Variants in ADCY2 observed in about 807,000 individuals in gnomAD.
ADCY2 encodes the protein adenylate cyclase type 2.
ADCY2 carries 31 observed loss-of-function variants against 125.2 expected under a neutral mutation model. That is an observed-to-expected ratio of 0.25 (90% CI 0.19 to 0.33). ADCY2 has a LOEUF of 0.33. Among genes scored for constraint, ADCY2 ranks in the 10% least tolerant of loss-of-function variants. The pLI is 1.00. For synonymous variants in ADCY2, 512 were observed against 548.4 expected (o/e 0.93, Z 0.93); for missense variants, 904 against 1,418.2 (o/e 0.64, Z 5.82).
intron 2 of ADCY2, among the ~76,000 whole-genome samples, chr5:7,444,610 A>G (rs887370553): frequency 1.6e-4 from 25 of 152,172 alleles, no homozygotes; most frequent in African/African-American, 6.0e-4. Flanking sequence ...GCTACAATGA[A>G]TAATTTTTTC....
rs1383466665 is a variant in ADCY2 at position 7,673,220 on chromosome 5, T to C, written c.721-17471T>C. Reference sequence around the variant, plus strand: ...GACTACAAGACCAGCCTGGGCAACATGGTGAAACCTTGTCTCTCCAAAAAA... The same window carrying C: ...GACTACAAGACCAGCCTGGGCAACACGGTGAAACCTTGTCTCTCCAAAAAA... On this transcript the variant is annotated intron_variant, in intron 4 of 24. Coordinates refer to ENST00000338316, the MANE Select transcript of ADCY2 (RefSeq NM_020546.3). 4.2e-5 allele frequency among the ~76,000 whole-genome samples: 4 copies of C among 95,382 alleles called. No individual in the cohort carries two copies. The East Asian group carries it at 7.9e-4, about 19-fold the overall frequency. 62.6% of individuals were successfully genotyped at this position (95,382 alleles called of 152,430 possible). A position where few individuals can be genotyped will look rare whatever the true frequency, so the allele number is the denominator to read the frequency against.
chr5:7,515,500 T>C (rs1439516461), intron 2 of ADCY2, among the ~76,000 whole-genome samples: 1 of 152,202 alleles, frequency 6.6e-6, no homozygotes, highest in African/African-American at 2.4e-5. Context: ...GTATCTGCTG[T>C]TGCCTGCCAT....
intron 4 of ADCY2, among the ~76,000 whole-genome samples, chr5:7,649,933 C>T (rs575002732): frequency 3.3e-5 from 5 of 152,144 alleles, no homozygotes; most frequent in East Asian, 1.9e-4. Context: ...TCTCACTCCT[C>T]GTATCCAAGC....
At chr5:7,660,028 G>C (rs1364682310) in intron 4 of ADCY2, among the ~76,000 whole-genome samples, 1 of 152,142 alleles carries the variant, frequency 6.6e-6, no homozygotes, top group Admixed American at 6.6e-5. Context: ...ACCAGGGATT[G>C]CTTGAGAGGA....
chr5:7,501,131 T>TTA (rs1427977527), intron 2 of ADCY2, among the ~76,000 whole-genome samples: 15 of 143,958 alleles, frequency 1.0e-4, no homozygotes, highest in Non-Finnish European at 7.6e-5. Flanking sequence ...AGCTTTTTTT[T>TTA]AAAAAAAAAA....
chr5:7,484,563 C>A (rs1015047558), intron 2 of ADCY2, among the ~76,000 whole-genome samples: 5 of 152,148 alleles, frequency 3.3e-5, no homozygotes, highest in African/African-American at 9.7e-5. Context: ...ATTCTCATTC[C>A]CAGATGATGA....
chr5:7,695,260 A>G (rs571398801), intron 5 of ADCY2, among the ~76,000 whole-genome samples: 2 of 152,236 alleles, frequency 1.3e-5, no homozygotes, highest in South Asian at 2.1e-4. Context: ...TCACTGTCCA[A>G]TCTGCCCCTA....
intron 2 of ADCY2, among the ~76,000 whole-genome samples, chr5:7,434,104 A>G (rs1157821725): frequency 6.6e-6 from 1 of 152,228 alleles, no homozygotes; most frequent in Non-Finnish European, 1.5e-5. Flanking sequence ...CATTTTAAGT[A>G]AAGAAAGAAT....
Position 7,785,351 on chromosome 5 carries a change from T to C in ADCY2, c.2469+902T>C, listed in dbSNP as rs536232675. 2.2e-3 allele frequency among the ~76,000 whole-genome samples: 337 copies of C among 152,228 alleles called. 2 individuals are homozygous for C. Among genetic ancestry groups the C allele is most frequent in the African/African-American group, 7.5e-3 (312 of 41,554 alleles). On this transcript the variant is annotated intron_variant, in intron 19 of 24. Coordinates refer to ENST00000338316, the MANE Select transcript of ADCY2 (RefSeq NM_020546.3). ...TCAGGCCAGCAGTCCGGGACAACTG[T>C]CCTCTAGCTTCCCAAGCAGTGTGAG...
At chr5:7,529,974 G>A (rs1215154857) in intron 3 of ADCY2, among the ~76,000 whole-genome samples, 1 of 152,218 alleles carries the variant, frequency 6.6e-6, no homozygotes, top group African/African-American at 2.4e-5. Context: ...TACAGGAACT[G>A]ATCCTGAGGG....
chr5:7,539,111 C>G (rs1734913097), intron 3 of ADCY2, among the ~76,000 whole-genome samples: 1 of 152,150 alleles, frequency 6.6e-6, no homozygotes, highest in East Asian at 1.9e-4. Context: ...GACCCACCTG[C>G]CTCGGTCTCC....
intron 16 of ADCY2, among the ~76,000 whole-genome samples, chr5:7,761,149 T>TTTTTC: frequency 2.5e-4 from 1 of 3,982 alleles, no homozygotes; most frequent in African/African-American, 3.4e-4. Context: ...TTTTCTTTTC[T>TTTTTC]TTTTTTTTTT....
intron 15 of ADCY2, among the ~76,000 whole-genome samples, chr5:7,756,679 A>G (rs1160931703): frequency 6.6e-6 from 1 of 152,048 alleles, no homozygotes; most frequent in East Asian, 1.9e-4. Context: ...GGCTGGGAGG[A>G]GGGAGGAACG....
intron 22 of ADCY2, among the ~76,000 whole-genome samples, chr5:7,812,104 A>T (rs151338292): frequency 5.1e-4 from 78 of 152,298 alleles, no homozygotes; most frequent in African/African-American, 1.9e-3. Context: ...TAGGAGTCAT[A>T]CAGAGACCGT....
chr5:7,639,367 C>T (rs1001745793), intron 4 of ADCY2, among the ~76,000 whole-genome samples: 1 of 152,152 alleles, frequency 6.6e-6, no homozygotes, highest in African/African-American at 2.4e-5. Flanking sequence ...TCAAAATGAC[C>T]AAGAGTCCAC....
intron 3 of ADCY2, among the ~76,000 whole-genome samples, chr5:7,573,620 A>C (rs967355183): frequency 1.3e-5 from 1 of 75,348 alleles, no homozygotes; most frequent in African/African-American, 5.5e-5. Context: ...TTTTTTTTTG[A>C]GAAAAAAAGC....
intron 3 of ADCY2, among the ~76,000 whole-genome samples, chr5:7,619,830 C>A (rs1404796424): frequency 6.6e-6 from 1 of 152,156 alleles, no homozygotes; most frequent in Non-Finnish European, 1.5e-5. Flanking sequence ...ATTCCCTTTT[C>A]TCTGGTTCTA....
intron 15 of ADCY2, among the ~76,000 whole-genome samples, chr5:7,745,834 T>A (rs1000187994): frequency 6.6e-6 from 1 of 152,244 alleles, no homozygotes. Flanking sequence ...TGTGGTATAT[T>A]TAGGGTATCA....
intron 2 of ADCY2, among the ~76,000 whole-genome samples, chr5:7,433,130 C>T (rs1221745316): frequency 6.6e-6 from 1 of 152,192 alleles, no homozygotes; most frequent in Non-Finnish European, 1.5e-5. Context: ...CGTGTCCAGG[C>T]TGGAAACCAC....
Sources: allele counts gnomAD v4.1 joint callset (sites outside exome capture counted in the v4.1 genomes callset), GRCh38; gene constraint gnomAD v4.1.1; transcripts MANE v1.5; gene names NCBI Gene and HGNC (gene_info 2026-07-23, HGNC 2026-07-21).